RAD51B: variants seen among roughly 807,000 people sequenced by gnomAD.
The protein encoded by RAD51B is RAD51 paralog B.
In RAD51B, 38 loss-of-function variants were observed where a neutral mutation model predicts 42.2. The observed-to-expected ratio is 0.90, with a 90% CI of 0.70 to 1.18. The LOEUF is 1.18. Among genes scored for constraint, RAD51B ranks in the 50% most tolerant of loss-of-function variants. The pLI, the probability that RAD51B is intolerant of heterozygous loss-of-function variation, is 0.00. For missense variants in RAD51B, 373 were observed against 400.7 expected (o/e 0.93, Z 0.59); for synonymous variants, 154 against 145.2 (o/e 1.06, Z -0.43).
intron 7 of RAD51B, among the ~76,000 whole-genome samples, chr14:68,026,077 T>A (rs907156231): frequency 6.6e-6 from 1 of 152,148 alleles, no homozygotes; most frequent in Admixed American, 6.5e-5. Context: ...ATCATTTTTT[T>A]ATTTCTGCCT....
At chr14:68,564,121 T>G (rs1889300061) in intron 10 of RAD51B, among the ~76,000 whole-genome samples, 2 of 152,194 alleles carry the variant, frequency 1.3e-5, no homozygotes, top group Admixed American at 1.3e-4. Flanking sequence ...AGGGGTGATT[T>G]GCGTCTTTTT....
chr14:67,974,821 A>G (rs1355772681), intron 7 of RAD51B, among the ~76,000 whole-genome samples: 1 of 152,168 alleles, frequency 6.6e-6, no homozygotes, highest in Non-Finnish European at 1.5e-5. Flanking sequence ...TTTCTTGTAT[A>G]TCTCTTATAA....
At chr14:67,851,425 C>G (rs2041804105) in intron 4 of RAD51B, among the ~76,000 whole-genome samples, 1 of 152,002 alleles carries the variant, frequency 6.6e-6, no homozygotes, top group African/African-American at 2.4e-5. Context: ...GGGCTTTGGG[C>G]CATGACTGAA....
intron 8 of RAD51B, among the ~76,000 whole-genome samples, chr14:68,367,066 A>AT (rs1453346026): frequency 6.6e-6 from 1 of 152,192 alleles, no homozygotes; most frequent in African/African-American, 2.4e-5. Flanking sequence ...GACATAACAG[A>AT]TTTTTTTCAG....
At chr14:68,188,337 CT>C (rs2079197510) in intron 7 of RAD51B, among the ~76,000 whole-genome samples, 1 of 150,408 alleles carries the variant, frequency 6.6e-6, no homozygotes, top group Non-Finnish European at 1.5e-5. Context: ...TACCTCCTCC[CT>C]TCTGTCCCTC....
intron 7 of RAD51B, among the ~76,000 whole-genome samples, chr14:68,142,399 A>C (rs2078147409): frequency 6.6e-6 from 1 of 152,220 alleles, no homozygotes; most frequent in Non-Finnish European, 1.5e-5. Context: ...TGGCAAAAAA[A>C]GTTATGAAAT....
At chr14:68,087,129 C>G (rs2076997452) in intron 7 of RAD51B, among the ~76,000 whole-genome samples, 1 of 150,032 alleles carries the variant, frequency 6.7e-6, no homozygotes, top group Non-Finnish European at 1.5e-5. Context: ...GAGTGAAACG[C>G]CATCTCAAAA....
intron 8 of RAD51B, among the ~76,000 whole-genome samples, chr14:68,327,600 A>T (rs994438882): frequency 6.6e-6 from 1 of 152,046 alleles, no homozygotes; most frequent in Non-Finnish European, 1.5e-5. Flanking sequence ...CAATGAGGTT[A>T]TTTTTATTTC....
At chr14:68,181,767 G>T (rs2079064448) in intron 7 of RAD51B, among the ~76,000 whole-genome samples, 2 of 152,174 alleles carry the variant, frequency 1.3e-5, no homozygotes, top group African/African-American at 2.4e-5. Context: ...GCCTCCAAAG[G>T]TGGGGGTTTG....
chr14:68,558,085 G>T (rs1242004863), intron 10 of RAD51B, among the ~76,000 whole-genome samples: 1 of 152,174 alleles, frequency 6.6e-6, no homozygotes, highest in Non-Finnish European at 1.5e-5. Context: ...TGCTGTTCTC[G>T]TCCTCTCTCA....
downstream of RAD51B, among the ~76,000 whole-genome samples, chr14:68,613,457 T>C (rs1362277938): frequency 5.0e-5 from 6 of 120,766 alleles, no homozygotes; most frequent in South Asian, 9.8e-4. Context: ...GTTCTTTTTT[T>C]CTTTTTTTTT....
intron 7 of RAD51B, among the ~76,000 whole-genome samples, chr14:68,109,916 TAAACTC>T (rs1415137777): frequency 2.6e-5 from 4 of 151,998 alleles, no homozygotes; most frequent in Admixed American, 6.6e-5. Flanking sequence ...AACCAAAACT[TAAACTC>T]AAAGAGGAAT....
intron 8 of RAD51B, among the ~76,000 whole-genome samples, chr14:68,334,943 GTAT>G (rs1445511556): frequency 1.2e-5 from 1 of 80,454 alleles, no homozygotes; most frequent in African/African-American, 3.7e-5. Flanking sequence ...ACATATATAA[GTAT>G]TATATATGTT....
chr14:68,451,901 G>T (rs1319565429), intron 9 of RAD51B, among the ~76,000 whole-genome samples: 1 of 152,208 alleles, frequency 6.6e-6, no homozygotes, highest in East Asian at 1.9e-4. Context: ...GTCCCGTGTG[G>T]TCCAAGCATG....
chr14:68,614,626 T>G (rs115068209), downstream of RAD51B, among the ~76,000 whole-genome samples: 1,271 of 152,334 alleles, frequency 8.3e-3, 16 homozygotes, highest in African/African-American at 0.029. Context: ...TGACCTTTTG[T>G]GTTTGGCTTC....
intron 8 of RAD51B, among the ~76,000 whole-genome samples, chr14:68,322,480 A>G (rs1595706940): frequency 6.6e-6 from 1 of 152,306 alleles, no homozygotes; most frequent in African/African-American, 2.4e-5. Flanking sequence ...CTGTAATACT[A>G]GGTTTTTATT....
chr14:68,111,637 C>G (rs1042982937), intron 7 of RAD51B, among the ~76,000 whole-genome samples: 7 of 152,042 alleles, frequency 4.6e-5, no homozygotes, highest in African/African-American at 1.7e-4. Flanking sequence ...TTTGGGTAAA[C>G]TGAAAATCCA....
chr14:68,337,551 C>T (rs1231865152), intron 8 of RAD51B, among the ~76,000 whole-genome samples: 1 of 152,186 alleles, frequency 6.6e-6, no homozygotes, highest in Non-Finnish European at 1.5e-5. Flanking sequence ...CCTTTGCTGT[C>T]TAGCTTTCTG....
intron 1 of RAD51B, among the ~76,000 whole-genome samples, chr14:67,820,407 T>A (rs1293878118): frequency 1.3e-5 from 2 of 152,186 alleles, no homozygotes; most frequent in Non-Finnish European, 2.9e-5. Flanking sequence ...TAGCTAATAT[T>A]GTTCCTAAAC....
Sources: gnomAD v4.1 joint callset for allele counts (sites outside exome capture counted in the v4.1 genomes callset) on GRCh38, gnomAD v4.1.1 for gene constraint, MANE v1.5 for transcripts, NCBI Gene and HGNC (gene_info 2026-07-23, HGNC 2026-07-21) for gene names.